Variants in ABL2 observed in about 807,000 individuals in gnomAD.
ABL2 encodes the protein ABL proto-oncogene 2, non-receptor tyrosine kinase.
A neutral mutation model predicts 107.7 loss-of-function variants in ABL2; 49 were observed. The observed-to-expected ratio is 0.45, with a 90% CI of 0.36 to 0.58. The LOEUF is 0.58. Among genes scored for constraint, ABL2 ranks in the 20% least tolerant of loss-of-function variants. ABL2 has a pLI of 0.00. For missense variants in ABL2, 1,245 were observed against 1,457.0 expected (o/e 0.85, Z 2.37); for synonymous variants, 549 against 548.6 (o/e 1.00, Z -0.01).
intron 1 of ABL2, chr1:179,142,820 C>A: frequency 1.6e-6 from 2 of 1,285,446 alleles, no homozygotes; most frequent in Middle Eastern, 1.9e-4. Context: ...CTTTCACTGA[C>A]CAAGAATGAA....
intron 1 of ABL2, among the ~76,000 whole-genome samples, chr1:179,174,911 A>T (rs1463854617): frequency 3.1e-3 from 335 of 108,278 alleles, no homozygotes; most frequent in Middle Eastern, 9.3e-3. Flanking sequence ...AAAAAAAATA[A>T]AATAAAAAAA....
intron 1 of ABL2, among the ~76,000 whole-genome samples, chr1:179,227,724 A>C (rs1663298129): frequency 6.6e-6 from 1 of 152,208 alleles, no homozygotes; most frequent in African/African-American, 2.4e-5. Flanking sequence ...TAAAGTGTTC[A>C]TATACCCGAA....
chr1:179,214,521 T>TATATAC (rs1484270820), intron 1 of ABL2, among the ~76,000 whole-genome samples: 5 of 33,346 alleles, frequency 1.5e-4, no homozygotes, highest in African/African-American at 9.0e-4. Context: ...TAAAATGACA[T>TATATAC]ATATATATAT....
chr1:179,108,587 T>C lies in ABL2; in HGVS notation c.2680A>G (p.Asn894Asp), dbSNP rs1310796797. 5.0e-6 allele frequency: 8 copies of C among 1,613,992 alleles called. No homozygotes were observed. The highest frequency in any genetic ancestry group is 6.8e-6 in the Non-Finnish European group (8 of 1,180,008). ...GCCATCCCAAGTCGTGCCCCACCAT[T>C]CTTCTCTTTACCCTTGGGGGCAGCT... ...VAAAPKGKEK[N>D]GGARLGMAGV... The change falls in exon 12 of 12, where the codon AAT (asparagine) becomes GAT (aspartate). Residue 894 changes from asparagine (N) to aspartate (D), a missense_variant. Asn to Asp is a conservative substitution (Grantham distance 23, BLOSUM62 1). Transcript: ENST00000502732.
intron 1 of ABL2, among the ~76,000 whole-genome samples, chr1:179,177,262 T>C (rs1028526491): frequency 5.3e-5 from 8 of 152,138 alleles, no homozygotes; most frequent in African/African-American, 1.7e-4. Flanking sequence ...TGAACCCTAG[T>C]TGCAAGCCAG....
intron 1 of ABL2, among the ~76,000 whole-genome samples, chr1:179,143,683 C>T (rs12096893): frequency 0.015 from 2,276 of 152,278 alleles, 71 homozygotes; most frequent in African/African-American, 0.051. Context: ...AGTTTATTTA[C>T]TTATTTATTT....
intron 1 of ABL2, among the ~76,000 whole-genome samples, chr1:179,210,668 A>G (rs1317440531): frequency 2.0e-5 from 3 of 151,960 alleles, no homozygotes; most frequent in Non-Finnish European, 4.4e-5. Flanking sequence ...TGGCTAACAC[A>G]GTGAAACCTC....
At position 179,112,173 on chromosome 1, in the gene ABL2, T is replaced by C. The variant is rs142552700; in HGVS notation, c.1651+136A>G. ...TATTATAAACTATACTCTGATGCAA[T>C]GTCCTTGTAGTTAAAAGTTGAAACA... On this transcript the variant is annotated intron_variant, in intron 10 of 11. Coordinates refer to ENST00000502732, the MANE Select transcript of ABL2 (RefSeq NM_007314.4). 1,165 of 655,274 alleles carry C rather than the reference T, an allele frequency of 1.8e-3. 12 individuals are homozygous for C. In the African/African-American group the frequency reaches 0.019, roughly 11 times the overall value. The allele number at this position is 655,274 out of a possible 1,614,324, so 40.6% of individuals were successfully genotyped here. A position where few individuals can be genotyped will look rare whatever the true frequency, so the allele number is the denominator to read the frequency against.
intron 1 of ABL2, among the ~76,000 whole-genome samples, chr1:179,198,168 G>C (rs115243371): frequency 0.063 from 8,696 of 138,162 alleles, 373 homozygotes; most frequent in Non-Finnish European, 0.09. Context: ...GTGAAACCCT[G>C]TGCCAAAAAA....
intron 1 of ABL2, among the ~76,000 whole-genome samples, chr1:179,157,369 T>C (rs1036727378): frequency 2.0e-5 from 3 of 151,904 alleles, no homozygotes; most frequent in African/African-American, 7.3e-5. Flanking sequence ...CGATGGCGTG[T>C]GCCTATAATC....
chr1:179,157,504 A>C (rs1195840465), intron 1 of ABL2, among the ~76,000 whole-genome samples: 1 of 152,086 alleles, frequency 6.6e-6, no homozygotes, highest in Admixed American at 6.6e-5. Flanking sequence ...CAAAAAAAAA[A>C]AAACTTAGGA....
chr1:179,133,624 C>G (rs1470526566), intron 1 of ABL2, among the ~76,000 whole-genome samples: 2 of 152,152 alleles, frequency 1.3e-5, no homozygotes, highest in Non-Finnish European at 2.9e-5. Flanking sequence ...CCCCACTTTT[C>G]TTTTGACTGG....
intron 1 of ABL2, among the ~76,000 whole-genome samples, chr1:179,166,776 CAA>C (rs34173352): frequency 6.6e-5 from 5 of 75,366 alleles, no homozygotes; most frequent in Non-Finnish European, 7.3e-5. Flanking sequence ...GACTTCATCT[CAA>C]AAAAAAAAAA....
intron 1 of ABL2, among the ~76,000 whole-genome samples, chr1:179,154,933 G>A (rs1159069507): frequency 6.6e-6 from 1 of 152,134 alleles, no homozygotes; most frequent in Non-Finnish European, 1.5e-5. Flanking sequence ...GCACATAGCA[G>A]CCCCAAGTAC....
Position 179,229,450 on chromosome 1 carries a change from T to C in ABL2, c.-53A>G. 7.0e-7 allele frequency: 1 copy of C among 1,435,242 alleles called. No individual in the cohort carries two copies. The highest frequency in any genetic ancestry group is 9.1e-7 in the Non-Finnish European group (1 of 1,104,046). The allele number at this position is 1,435,242 out of a possible 1,614,324, so 88.9% of individuals were successfully genotyped here. A position where few individuals can be genotyped will look rare whatever the true frequency, so the allele number is the denominator to read the frequency against. ...CGCCGACCCCTGGTCACATTCCTCCTCGGCTCCGGCCTCGGGCTCCTGGCG... is the reference window on the plus strand; with the variant it reads ...CGCCGACCCCTGGTCACATTCCTCCCCGGCTCCGGCCTCGGGCTCCTGGCG... On this transcript the variant is annotated 5_prime_UTR_variant, in exon 1 of 12. Coordinates refer to ENST00000502732, the MANE Select transcript of ABL2 (RefSeq NM_007314.4).
rs1247510229 is a variant in ABL2, at chr1:179,229,637, G to T, written c.-240C>A. ...GTCGCGGCTCCGCGCCCCCAACGCCGCCGCCGCCGCCGCCGCCACCGCCGC... is the reference window on the plus strand; with the variant it reads ...GTCGCGGCTCCGCGCCCCCAACGCCTCCGCCGCCGCCGCCGCCACCGCCGC... On this transcript the variant is annotated 5_prime_UTR_variant, in exon 1 of 12. Coordinates refer to ENST00000502732, the MANE Select transcript of ABL2 (RefSeq NM_007314.4). 4.1e-6 allele frequency: 2 copies of T among 485,798 alleles called. No individual in the cohort carries two copies. The highest frequency in any genetic ancestry group is 3.8e-5 in the East Asian group (1 of 26,338). 30.1% of individuals were successfully genotyped at this position (485,798 alleles called of 1,614,324 possible).
chr1:179,148,385 C>T (rs1196905050), intron 1 of ABL2, among the ~76,000 whole-genome samples: 1 of 152,148 alleles, frequency 6.6e-6, no homozygotes, highest in African/African-American at 2.4e-5. Context: ...TTCTGTGTCA[C>T]CTTGTGGTAA....
At chr1:179,226,046 A>AG in intron 1 of ABL2, among the ~76,000 whole-genome samples, 1 of 104,530 alleles carries the variant, frequency 9.6e-6, no homozygotes, top group African/African-American at 3.5e-5. Context: ...TCCGCCTCAA[A>AG]AAAAAAAAAA....
At chr1:179,195,148 C>A (rs1314471757) in intron 1 of ABL2, among the ~76,000 whole-genome samples, 3 of 151,998 alleles carry the variant, frequency 2.0e-5, no homozygotes, top group Non-Finnish European at 4.4e-5. Context: ...CTTACCCGGG[C>A]ATGGCAGTGC....
Sources: allele counts gnomAD v4.1 joint callset (sites outside exome capture counted in the v4.1 genomes callset), GRCh38; gene constraint gnomAD v4.1.1; transcripts MANE v1.5; gene names NCBI Gene and HGNC (gene_info 2026-07-23, HGNC 2026-07-21).